SLC17A5: variants seen among roughly 807,000 people sequenced by gnomAD.
SLC17A5 encodes the protein sialin.
In SLC17A5, 47 loss-of-function variants were observed where a neutral mutation model predicts 59.4. The ratio of observed to expected loss-of-function variants is 0.79; its 90% CI spans 0.63 to 1.01. The LOEUF (loss-of-function observed/expected upper bound fraction) is 1.01, where lower values mean the gene tolerates loss of function less well. SLC17A5 is among the 50% of genes least tolerant of loss of function. The pLI is 0.00. For synonymous variants in SLC17A5, 202 were observed against 210.7 expected, an observed-to-expected ratio of 0.96 and a Z score of 0.36; for missense variants, 522 against 595.5, an observed-to-expected ratio of 0.88 and a Z score of 1.28.
At chr6:73,595,914 AC>A (rs1443382919) in intron 10 of SLC17A5, among the ~76,000 whole-genome samples, 9 of 478 alleles carry the variant, frequency 0.019, no homozygotes, top group African/African-American at 0.032. Context: ...GTATATATAT[AC>A]GTATATATAT....
At position 73,645,016 on chromosome 6, in the gene SLC17A5, T is replaced by C. The variant is rs941771431; in HGVS notation, c.95-413A>G. ...GAGGTAGTAGTTTTATCACCTTTGC[T>C]GAGAAAAAGATCTATTCCAGATTCA... is the stretch of plus-strand genomic sequence containing the variant. On this transcript the variant is annotated intron_variant, in intron 1 of 10. Coordinates refer to ENST00000355773, the MANE Select transcript of SLC17A5 (RefSeq NM_012434.5). Among the ~76,000 whole-genome samples the C allele has an allele frequency of 5.3e-5, 8 of 152,324 alleles. No individual in the cohort carries two copies. The South Asian group carries it at 6.2e-4, about 12-fold the overall frequency.
intron 9 of SLC17A5, among the ~76,000 whole-genome samples, chr6:73,606,289 C>T (rs1333802823): frequency 1.3e-5 from 2 of 152,006 alleles, no homozygotes; most frequent in Non-Finnish European, 2.9e-5. Flanking sequence ...ACGATCCAAC[C>T]GCCTCAGCCT....
chr6:73,629,791 CAAG>C (rs1768609630), intron 6 of SLC17A5, among the ~76,000 whole-genome samples: 1 of 151,820 alleles, frequency 6.6e-6, no homozygotes, highest in Admixed American at 6.6e-5. Flanking sequence ...CTCAAAAAAA[CAAG>C]AAGAAAGAAA....
rs555996902 is a variant in SLC17A5 at position 73,645,023 on chromosome 6, A to C, written c.95-420T>G. 3.8e-3 allele frequency among the ~76,000 whole-genome samples: 586 copies of C among 152,310 alleles called. 7 individuals are homozygous for C. Among genetic ancestry groups the C allele is most frequent in the Non-Finnish European group, 6.5e-3 (444 of 68,026 alleles). On this transcript the variant is annotated intron_variant, in intron 1 of 10. Transcript: ENST00000355773. ...TAGTTTTATCACCTTTGCTGAGAAA[A>C]AGATCTATTCCAGATTCAAACTGAA...
At chr6:73,602,732 G>C (rs1179050143) in intron 9 of SLC17A5, among the ~76,000 whole-genome samples, 2 of 147,122 alleles carry the variant, frequency 1.4e-5, no homozygotes, top group South Asian at 2.1e-4. Context: ...CAGAGATCGC[G>C]CCACTGCACT....
At chr6:73,600,468 A>T in intron 9 of SLC17A5, 27 bp from the exon 10 acceptor site, 3 of 1,419,284 alleles carry the variant, frequency 2.1e-6, no homozygotes, top group Non-Finnish European at 3.0e-6. Flanking sequence ...ATAGACGTTT[A>T]TTATTGTGAT....
intron 3 of SLC17A5, among the ~76,000 whole-genome samples, chr6:73,641,413 T>C (rs1769277800): frequency 6.6e-6 from 1 of 152,138 alleles, no homozygotes; most frequent in Non-Finnish European, 1.5e-5. Flanking sequence ...TATTTTCTTC[T>C]CTCCTAAAGT....
At chr6:73,645,170 C>A (rs547914286) in intron 1 of SLC17A5, 2 of 192,666 alleles carry the variant, frequency 1.0e-5, no homozygotes, top group African/African-American at 4.7e-5. Flanking sequence ...TGAGTACTTA[C>A]AATGACATGA....
intron 9 of SLC17A5, among the ~76,000 whole-genome samples, chr6:73,606,028 G>GATTT (rs111362961): frequency 0.023 from 3,407 of 148,738 alleles, 122 homozygotes; most frequent in African/African-American, 0.079. Flanking sequence ...AATTTGATGA[G>GATTT]ATTTATTTAT....
intron 5 of SLC17A5, among the ~76,000 whole-genome samples, chr6:73,635,891 C>A (rs1212897120): frequency 6.6e-6 from 1 of 152,016 alleles, no homozygotes; most frequent in African/African-American, 2.4e-5. Context: ...CAGGCACGTG[C>A]CACCACGCCT....
chr6:73,642,013 G>T, intron 2 of SLC17A5, 89 bp from the exon 3 acceptor site: 1 of 1,189,576 alleles, frequency 8.4e-7, no homozygotes, highest in East Asian at 2.3e-5. Flanking sequence ...ACATATAAAT[G>T]AGATTTTGAA....
intron 5 of SLC17A5, 45 bp from the exon 6 acceptor site, chr6:73,635,545 A>C: frequency 1.0e-6 from 1 of 965,500 alleles, no homozygotes; most frequent in African/African-American, 1.6e-5. Context: ...GAATGTACCA[A>C]ATAACAAACA....
intron 9 of SLC17A5, among the ~76,000 whole-genome samples, chr6:73,603,474 G>C (rs1460011604): frequency 6.7e-6 from 1 of 148,488 alleles, no homozygotes; most frequent in African/African-American, 2.5e-5. Context: ...AGACTGGAGT[G>C]CAATGGTGTG....
intron 10 of SLC17A5, among the ~76,000 whole-genome samples, chr6:73,597,571 G>A (rs188906549): frequency 6.6e-6 from 1 of 152,222 alleles, no homozygotes; most frequent in East Asian, 1.9e-4. Context: ...GCTACCTTGA[G>A]CCCTGGAGTT....
At chr6:73,622,250 T>G (rs1293904534) in intron 6 of SLC17A5, among the ~76,000 whole-genome samples, 1 of 152,148 alleles carries the variant, frequency 6.6e-6, no homozygotes, top group African/African-American at 2.4e-5. Flanking sequence ...ACATTCTTTA[T>G]GAATGTCAGA....
At chr6:73,632,695 G>C (rs1427351063) in intron 6 of SLC17A5, among the ~76,000 whole-genome samples, 2 of 151,338 alleles carry the variant, frequency 1.3e-5, no homozygotes, top group Non-Finnish European at 2.9e-5. Flanking sequence ...TTCCATCTTG[G>C]CCTCCCTAAG....
At chr6:73,607,839 C>T (rs1421403001) in intron 9 of SLC17A5, among the ~76,000 whole-genome samples, 2 of 147,256 alleles carry the variant, frequency 1.4e-5, no homozygotes, top group South Asian at 2.1e-4. Flanking sequence ...CACAGTGGCA[C>T]AATCTTGGCT....
chr6:73,609,943 T>C (rs1767572866), intron 9 of SLC17A5, among the ~76,000 whole-genome samples: 1 of 152,104 alleles, frequency 6.6e-6, no homozygotes, highest in Non-Finnish European at 1.5e-5. Context: ...CTCTAGAGAT[T>C]GTTGGTGGTG....
intron 7 of SLC17A5, 78 bp from the exon 8 acceptor site, chr6:73,615,525 A>AC (rs2150091716): frequency 6.9e-7 from 1 of 1,439,470 alleles, no homozygotes; most frequent in African/African-American, 1.4e-5. Context: ...ACAGCCAATG[A>AC]CCACCACTTG....
Sources: gnomAD v4.1 joint callset for allele counts (sites outside exome capture counted in the v4.1 genomes callset) on GRCh38, gnomAD v4.1.1 for gene constraint, MANE v1.5 for transcripts, NCBI Gene and HGNC (gene_info 2026-07-23, HGNC 2026-07-21) for gene names.